The following ARHGEF10L variants were observed in gnomAD, a reference collection of about 807,000 sequenced individuals.
ARHGEF10L encodes rho guanine nucleotide exchange factor 10-like protein.
ARHGEF10L carries 69 observed loss-of-function variants against 141.2 expected under a neutral mutation model. The ratio of observed to expected loss-of-function variants is 0.49; its 90% CI spans 0.40 to 0.60. ARHGEF10L has a LOEUF of 0.60. Ranked by LOEUF, ARHGEF10L falls within the 20% of genes least tolerant of loss-of-function variation. The pLI is 0.00. For missense variants in ARHGEF10L, 1,482 were observed against 1,734.3 expected (o/e 0.85, Z 2.58); for synonymous variants, 711 against 718.5 (o/e 0.99, Z 0.17).
At chr1:17,630,157 A>G (rs1437526370) in intron 15 of ARHGEF10L, among the ~76,000 whole-genome samples, 1 of 152,122 alleles carries the variant, frequency 6.6e-6, no homozygotes, top group African/African-American at 2.4e-5. Flanking sequence ...CAGTTCTGTG[A>G]CCTGTTTAGT....
At position 17,664,568 on chromosome 1, in the gene ARHGEF10L, C is replaced by T. The variant is rs1030705554; in HGVS notation, c.2982C>T (p.Val994=). ...CCAGCTGTGGGCCCCGGGTCACTGT[C>T]CTGGAAGCCACCACCCTGCAGCCTC... The part of the protein sequence containing the change: ...VWASCGPRVT[V]LEATTLQPQQ... Residue 994 remains valine (V), a synonymous_variant, in exon 26 of 29, where the codon GTC becomes GTT. Transcript: ENST00000361221. 1 of 1,602,858 alleles carries T rather than the reference C, an allele frequency of 6.2e-7. No homozygotes were observed. The highest frequency in any genetic ancestry group is 1.3e-5 in the African/African-American group (1 of 74,742).
At chr1:17,664,357 C>T in intron 25 of ARHGEF10L, 90 bp from the exon 26 acceptor site, 5 of 1,415,012 alleles carry the variant, frequency 3.5e-6, no homozygotes, top group Non-Finnish European at 4.7e-6. Context: ...GTGTGGGGGG[C>T]CCTGCTGAGC....
In ARHGEF10L at chr1:17,626,595, A is replaced by G. The variant is rs181382733; in HGVS notation, c.1410+547A>G. Among the ~76,000 whole-genome samples, 259 of 152,228 alleles carry G rather than the reference A, an allele frequency of 1.7e-3. 1 individual carries two copies. The highest frequency in any genetic ancestry group is 7.8e-4 in the Non-Finnish European group (53 of 67,982). ...TGCTGGCCTGTGGGAGTGGGCTCTT[A>G]TGTAACCATACCATTTATCAATTGA... On this transcript the variant is annotated intron_variant, in intron 14 of 28. Coordinates refer to ENST00000361221, the MANE Select transcript of ARHGEF10L (RefSeq NM_018125.4).
At chr1:17,634,429 G>C in intron 16 of ARHGEF10L, 119 bp from the exon 17 acceptor site, 1 of 1,541,006 alleles carries the variant, frequency 6.5e-7, no homozygotes, top group East Asian at 2.2e-5. Flanking sequence ...GCAGGAGGCT[G>C]TCTCTCCTTC....
chr1:17,525,105 G>A, the ARHGEF10L span, among the ~76,000 whole-genome samples: 1 of 152,128 alleles, frequency 6.6e-6, no homozygotes, highest in Non-Finnish European at 1.5e-5. Context: ...TGCTCTGCAG[G>A]TAACCCTGGT....
upstream of ARHGEF10L, among the ~76,000 whole-genome samples, chr1:17,536,670 A>C (rs550921440): frequency 6.6e-6 from 1 of 152,188 alleles, no homozygotes; most frequent in South Asian, 2.1e-4. Flanking sequence ...GTAGAGGGAA[A>C]ATGAAATCAA....
At chr1:17,691,442 G>A (rs939481826) in intron 27 of ARHGEF10L, among the ~76,000 whole-genome samples, 1 of 152,050 alleles carries the variant, frequency 6.6e-6, no homozygotes, top group Non-Finnish European at 1.5e-5. Flanking sequence ...GGATGCAGGG[G>A]CAGCAGGAAA....
In ARHGEF10L at chr1:17,623,676, G is replaced by A. The variant is rs2060227698; in HGVS notation, c.1200+501G>A. Among the ~76,000 whole-genome samples the A allele has an allele frequency of 6.6e-6, 1 of 152,196 alleles. No homozygotes were observed. Among genetic ancestry groups the A allele is most frequent in the African/African-American group, 2.4e-5 (1 of 41,456 alleles). ...CAGGGCCCACTCTGAGCCCAGGCTT[G>A]CCATCTGTGGAATGAGGGGTGCACT... On this transcript the variant is annotated intron_variant, in intron 12 of 28. Transcript: ENST00000361221. The surrounding 1 kb of genome is among the most constrained non-coding windows in gnomAD (Gnocchi z 4.7).
intron 26 of ARHGEF10L, among the ~76,000 whole-genome samples, chr1:17,678,417 GTTT>G (rs397863291): frequency 3.8e-5 from 5 of 132,988 alleles, no homozygotes; most frequent in African/African-American, 8.7e-5. Flanking sequence ...AGATTTCAGG[GTTT>G]TTTTTTTTTT....
chr1:17,687,142 C>T (rs2064671355), intron 26 of ARHGEF10L, among the ~76,000 whole-genome samples: 2 of 152,120 alleles, frequency 1.3e-5, no homozygotes. Context: ...TTACATAAAC[C>T]ACAACTTCTT....
In ARHGEF10L at chr1:17,632,399, A is replaced by G; in HGVS notation, c.1663A>G (p.Ile555Val). ...ETVYGDRGQLIKSKERRVFLL... is the reference protein window; with the variant it reads ...ETVYGDRGQLVKSKERRVFLL... The stretch of plus-strand genomic sequence containing the variant: ...CGTGTACGGTGACCGCGGGCAGCTA[A>G]TTAAGTCCAAGGAGCGTCGGGTCTT... Residue 555 changes from isoleucine to valine, a missense_variant, in exon 16 of 29, where the codon ATT becomes GTT. This residue lies in a region of ARHGEF10L where 392 missense variants were observed against 542.1 expected (regional missense o/e 0.72). Transcript: ENST00000361221. 2.5e-6 allele frequency: 4 copies of G among 1,614,164 alleles called. No individual in the cohort carries two copies. The highest frequency in any genetic ancestry group is 3.4e-6 in the Non-Finnish European group (4 of 1,180,028).
rs940922349 is a variant in ARHGEF10L, at chr1:17,603,098, G to T, written c.350-410G>T. Among the ~76,000 whole-genome samples the T allele has an allele frequency of 7.9e-5, 12 of 152,040 alleles. No individual in the cohort carries two copies. Among genetic ancestry groups the T allele is most frequent in the Non-Finnish European group, 1.8e-4 (12 of 67,996 alleles). ...TCAAGGACCGGCTCCCATCAGGGGT[G>T]GGGGCTGGTTTTCCAAGTCCTAGCA... is the stretch of plus-strand genomic sequence containing the variant. On this transcript the variant is annotated intron_variant, in intron 5 of 28. Transcript: ENST00000361221. The surrounding 1 kb of genome is among the most constrained non-coding windows in gnomAD (Gnocchi z 4.8).
chr1:17,551,354 G>A (rs199847952), intron 1 of ARHGEF10L, among the ~76,000 whole-genome samples: 2 of 142,706 alleles, frequency 1.4e-5, no homozygotes, highest in African/African-American at 2.6e-5. Context: ...GAGGGACTCC[G>A]AGGAGGCTTC....
At chr1:17,519,492 C>A in the ARHGEF10L span, among the ~76,000 whole-genome samples, 1 of 152,036 alleles carries the variant, frequency 6.6e-6, no homozygotes, top group South Asian at 2.1e-4. Flanking sequence ...CACCTGTGGT[C>A]CCAGCTACTT....
chr1:17,576,901 C>T (rs1488064014), intron 1 of ARHGEF10L, among the ~76,000 whole-genome samples: 3 of 152,256 alleles, frequency 2.0e-5, no homozygotes, highest in Non-Finnish European at 2.9e-5. Flanking sequence ...AGTCACCGTG[C>T]TGTGGGCAGT....
rs113057237 is a variant in ARHGEF10L at position 17,655,829 on chromosome 1, C to T, written c.2482-50C>T. 7.7e-4 allele frequency: 1,159 copies of T among 1,511,958 alleles called. 12 individuals are homozygous for T. The African/African-American group carries it at 0.013, about 17-fold the overall frequency. The allele number at this position is 1,511,958 out of a possible 1,614,324, so 93.7% of individuals were successfully genotyped here. A position where few individuals can be genotyped will look rare whatever the true frequency, so the allele number is the denominator to read the frequency against. ...AAGCAGGGGCTGAGGTCCTCCTCTG[C>T]TCCCTCCTGTGGTTCCCACCTGATG... On this transcript the variant is annotated intron_variant, in intron 23 of 28. Coordinates refer to ENST00000361221, the MANE Select transcript of ARHGEF10L (RefSeq NM_018125.4).
chr1:17,524,364 T>TACACACACACACACACAC, the ARHGEF10L span, among the ~76,000 whole-genome samples: 18 of 116,064 alleles, frequency 1.6e-4, no homozygotes, highest in African/African-American at 4.7e-4. Context: ...ACCCCGTCTC[T>TACACACACACACACACAC]ACACACACAC....
At position 17,623,417 on chromosome 1, in the gene ARHGEF10L, G is replaced by A. The variant is rs1454113410; in HGVS notation, c.1200+242G>A. On this transcript the variant is annotated intron_variant, in intron 12 of 28. Transcript: ENST00000361221. The surrounding 1 kb of genome is among the most constrained non-coding windows in gnomAD (Gnocchi z 4.7). ...CTGATGAAGCCAGGTGGCTGTCCTG[G>A]CTCCTCCCAGGTGGCAGCACCCCCT... Among the ~76,000 whole-genome samples the A allele has an allele frequency of 2.0e-5, 3 of 152,166 alleles. No individual in the cohort carries two copies. Among genetic ancestry groups the A allele is most frequent in the Non-Finnish European group, 4.4e-5 (3 of 68,024 alleles).
rs1569923747 is a variant in ARHGEF10L, at chr1:17,697,485, C to A, written c.*105C>A. 7.3e-7 allele frequency: 1 copy of A among 1,362,068 alleles called. No individual in the cohort carries two copies. The highest frequency in any genetic ancestry group is 1.6e-5 in the African/African-American group (1 of 61,616). 84.4% of individuals were successfully genotyped at this position (1,362,068 alleles called of 1,614,324 possible). On this transcript the variant is annotated 3_prime_UTR_variant, in exon 29 of 29. Transcript: ENST00000361221. The surrounding 1 kb of genome is among the most constrained non-coding windows in gnomAD (Gnocchi z 4.8). ...CGGGACTTGTGGATGGGCCTGGACTCTCCAGAAACTACTTGGGCAGAGCAA... is the reference window on the plus strand; with the variant it reads ...CGGGACTTGTGGATGGGCCTGGACTATCCAGAAACTACTTGGGCAGAGCAA...
Sources: gnomAD v4.1 joint callset for allele counts (sites outside exome capture counted in the v4.1 genomes callset) on GRCh38, gnomAD v4.1.1 for gene constraint, gnomAD v4.1.1 regional missense constraint, Gnocchi (gnomAD v3.1) non-coding constraint, MANE v1.5 for transcripts, NCBI Gene and HGNC (gene_info 2026-07-23, HGNC 2026-07-21) for gene names.